Variants in ELP4 observed in about 807,000 individuals in gnomAD.
ELP4 encodes elongator acetyltransferase complex subunit 4, also known as elongator complex protein 4.
In ELP4, 51 loss-of-function variants were observed where a neutral mutation model predicts 48.9. The observed-to-expected ratio is 1.04, with a 90% CI of 0.83 to 1.32. The LOEUF (loss-of-function observed/expected upper bound fraction) is 1.32. Among genes scored for constraint, ELP4 ranks in the 40% most tolerant of loss-of-function variants. The pLI is 0.00. For missense variants in ELP4, 519 were observed against 514.6 expected (o/e 1.01, Z -0.08); for synonymous variants, 210 against 189.2 (o/e 1.11, Z -0.90).
intron 4 of ELP4, among the ~76,000 whole-genome samples, chr11:31,602,389 A>G (rs1405844723): frequency 2.0e-5 from 3 of 151,926 alleles, no homozygotes; most frequent in Non-Finnish European, 4.4e-5. Context: ...TTATTTATCA[A>G]TAGTTTCATG....
intron 5 of ELP4, among the ~76,000 whole-genome samples, chr11:31,619,490 G>A (rs1483641808): frequency 6.6e-6 from 1 of 151,918 alleles, no homozygotes; most frequent in African/African-American, 2.4e-5. Context: ...GTCAGATTCT[G>A]GTGAGGGCCC....
At chr11:31,586,317 G>A (rs1454563918) in intron 3 of ELP4, among the ~76,000 whole-genome samples, 1 of 152,068 alleles carries the variant, frequency 6.6e-6, no homozygotes, top group Non-Finnish European at 1.5e-5. Flanking sequence ...CAAAGACAAA[G>A]TTTTACTTGG....
intron 9 of ELP4, among the ~76,000 whole-genome samples, chr11:31,738,417 A>T (rs1368897475): frequency 3.3e-5 from 5 of 151,680 alleles, no homozygotes; most frequent in Admixed American, 6.6e-5. Flanking sequence ...GTCTCAAAAA[A>T]AAATAAATGA....
intron 9 of ELP4, among the ~76,000 whole-genome samples, chr11:31,723,377 A>G (rs918040562): frequency 6.7e-6 from 1 of 148,546 alleles, no homozygotes; most frequent in African/African-American, 2.5e-5. Flanking sequence ...CACATACTTC[A>G]TTGTTCCCAC....
intron 1 of ELP4, among the ~76,000 whole-genome samples, chr11:31,517,260 T>C (rs1414007970): frequency 6.6e-6 from 1 of 151,978 alleles, no homozygotes; most frequent in Non-Finnish European, 1.5e-5. Flanking sequence ...CTCAACTCAC[T>C]GCAACCTATG....
At chr11:31,574,393 C>T (rs977286727) in intron 3 of ELP4, among the ~76,000 whole-genome samples, 5 of 152,194 alleles carry the variant, frequency 3.3e-5, no homozygotes, top group African/African-American at 1.2e-4. Context: ...GCAGAAACTT[C>T]TGCAGACTTA....
intron 6 of ELP4, among the ~76,000 whole-genome samples, chr11:31,628,830 GTATA>G (rs1189214620): frequency 6.6e-6 from 1 of 151,864 alleles, no homozygotes; most frequent in Non-Finnish European, 1.5e-5. Context: ...AAATTACTTA[GTATA>G]TATATCTGTC....
At position 31,790,028 on chromosome 11, in the gene ELP4, G is replaced by T; in HGVS notation, c.*6504G>T. 6.5e-7 allele frequency: 1 copy of T among 1,531,772 alleles called. No individual in the cohort carries two copies. Among genetic ancestry groups the T allele is most frequent in the Non-Finnish European group, 8.8e-7 (1 of 1,133,610 alleles). 94.9% of individuals were successfully genotyped at this position (1,531,772 alleles called of 1,614,324 possible). A position where few individuals can be genotyped will look rare whatever the true frequency, so the allele number is the denominator to read the frequency against. On this transcript the variant is annotated 3_prime_UTR_variant, in exon 10 of 10. Transcript: ENST00000640961. The stretch of plus-strand genomic sequence containing the variant: ...ACCAGGGGAAATGAGTCCTAGAAGT[G>T]GATGAAAGAAATAGCCATGTAGATA...
At chr11:31,510,843 G>A (rs1955983318) in intron 1 of ELP4, 1 of 153,708 alleles carries the variant, frequency 6.5e-6, no homozygotes, top group Non-Finnish European at 1.4e-5. Context: ...GGACAGATTT[G>A]CTGTGTTAAT....
chr11:31,577,154 C>T (rs888255918), intron 3 of ELP4, among the ~76,000 whole-genome samples: 1 of 152,182 alleles, frequency 6.6e-6, no homozygotes, highest in African/African-American at 2.4e-5. Context: ...ATACTATAAA[C>T]ACCTCTACGC....
chr11:31,648,476 A>G (rs1441967082), intron 8 of ELP4: 1 of 151,478 alleles, frequency 6.6e-6, no homozygotes, highest in Admixed American at 6.6e-5. Flanking sequence ...TCTTTTTAAT[A>G]AAGAGTCTTA....
chr11:31,650,085 T>C, intron 8 of ELP4, 30 bp from the exon 9 acceptor site: 1 of 925,338 alleles, frequency 1.1e-6, no homozygotes, highest in South Asian at 1.5e-5. Flanking sequence ...ATGTTTTAAA[T>C]TTTTTTTCTT....
At chr11:31,516,037 C>T (rs191589318) in intron 1 of ELP4, among the ~76,000 whole-genome samples, 2 of 151,740 alleles carry the variant, frequency 1.3e-5, no homozygotes, top group East Asian at 2.0e-4. Flanking sequence ...GGGGTGAAAC[C>T]AGGAGGCGGA....
rs1252901512 is a variant in ELP4 at position 31,652,289 on chromosome 11, A to AT, written c.1143+2071dup. ...TTATTTACTTAAGCCATAATACTCA[A>AT]TTTAGTGATTAGAAAAAATAAAAAT... On this transcript the variant is annotated intron_variant, in intron 9 of 9. Coordinates refer to ENST00000640961, the MANE Select transcript of ELP4 (RefSeq NM_019040.5). The AT allele has an allele frequency of 2.0e-5, 3 of 151,852 alleles. No individual in the cohort carries two copies. The East Asian group carries it at 5.8e-4, about 29-fold the overall frequency. The allele number at this position is 151,852 out of a possible 1,614,324, so 9.4% of individuals were successfully genotyped here. A position where few individuals can be genotyped will look rare whatever the true frequency, so the allele number is the denominator to read the frequency against.
At chr11:31,665,945 G>A (rs1467273140) in intron 9 of ELP4, among the ~76,000 whole-genome samples, 1 of 150,442 alleles carries the variant, frequency 6.6e-6, no homozygotes, top group Non-Finnish European at 1.5e-5. Context: ...ATGAGCCAAG[G>A]TGCCCAGCCT....
intron 9 of ELP4, among the ~76,000 whole-genome samples, chr11:31,737,373 A>T (rs1280613401): frequency 6.6e-6 from 1 of 152,164 alleles, no homozygotes; most frequent in Non-Finnish European, 1.5e-5. Flanking sequence ...ATGCTAAATG[A>T]CAAGTTAATG....
chr11:31,754,989 G>A (rs927713235), intron 9 of ELP4, among the ~76,000 whole-genome samples: 3 of 152,166 alleles, frequency 2.0e-5, no homozygotes, highest in Non-Finnish European at 4.4e-5. Flanking sequence ...GCTTCAGGAA[G>A]AAGTGTTTGA....
chr11:31,618,015 A>C (rs1006516893), intron 5 of ELP4, among the ~76,000 whole-genome samples: 3 of 152,092 alleles, frequency 2.0e-5, no homozygotes, highest in Non-Finnish European at 2.9e-5. Flanking sequence ...ATTTATGTAC[A>C]AAAACCTGTA....
intron 4 of ELP4, among the ~76,000 whole-genome samples, chr11:31,595,813 T>G (rs1438638148): frequency 6.6e-6 from 1 of 152,226 alleles, no homozygotes; most frequent in African/African-American, 2.4e-5. Context: ...CTGTTTGATA[T>G]TATAAGCTCG....
Sources: allele counts gnomAD v4.1 joint callset (sites outside exome capture counted in the v4.1 genomes callset), GRCh38; gene constraint gnomAD v4.1.1; transcripts MANE v1.5; gene names NCBI Gene and HGNC (gene_info 2026-07-23, HGNC 2026-07-21).